FGG: variants seen among roughly 807,000 people sequenced by gnomAD.
FGG encodes the protein fibrinogen gamma chain.
FGG carries 20 observed loss-of-function variants against 51.7 expected under a neutral mutation model. The observed-to-expected ratio is 0.39, with a 90% CI of 0.27 to 0.56. FGG has a LOEUF of 0.56. Among genes scored for constraint, FGG ranks in the 20% least tolerant of loss-of-function variants. The probability of loss-of-function intolerance (pLI) is 0.64; values close to 1 mark genes in which losing one functional copy is unlikely to be tolerated. For missense variants in FGG, 460 were observed against 534.2 expected, an observed-to-expected ratio of 0.86 and a Z score of 1.37; for synonymous variants, 184 against 184.7, an observed-to-expected ratio of 1.00 and a Z score of 0.03.
intron 6 of FGG, among the ~76,000 whole-genome samples, chr4:154,609,214 TG>T (rs1465631891): frequency 7.1e-6 from 1 of 141,122 alleles, no homozygotes; most frequent in Non-Finnish European, 1.6e-5. Flanking sequence ...GGTGGGGTGG[TG>T]GGGGGTGGTG....
chr4:154,609,536 G>T, intron 6 of FGG, 94 bp downstream of exon 6: 1 of 1,448,958 alleles, frequency 6.9e-7, no homozygotes, highest in South Asian at 1.1e-5. Context: ...AGGATTAAAT[G>T]AGCTACGGTT....
Position 154,604,910 on chromosome 4 carries a change from C to T in FGG, c.1286G>A (p.Gly429Glu), listed in dbSNP as rs758530530. 4.3e-6 allele frequency: 7 copies of T among 1,613,926 alleles called. No individual in the cohort carries two copies. Among genetic ancestry groups the T allele is most frequent in the East Asian group, 2.2e-5 (1 of 44,892 alleles). The part of the protein sequence containing the change: ...TIGEGQQHHL[G>E]GAKQVRPEHP... ...CTCTGGTCTGACCTGTTTGGCTCCCCCCAGGTGGTGTTGCTGTCCTTCTCC... is the reference window on the plus strand; with the variant it reads ...CTCTGGTCTGACCTGTTTGGCTCCCTCCAGGTGGTGTTGCTGTCCTTCTCC... The change falls in exon 9 of 9, where the codon GGG becomes GAG. Residue 429 changes from glycine (G) to glutamate (E), a missense_variant. Coordinates refer to ENST00000336098, the MANE Select transcript of FGG (RefSeq NM_021870.3).
At chr4:154,607,127 C>T (rs1224225572) in intron 7 of FGG, 145 bp from the exon 8 acceptor site, 1 of 941,274 alleles carries the variant, frequency 1.1e-6, no homozygotes, top group Admixed American at 2.9e-5. Context: ...TTTTGCAAAT[C>T]TGGCAAGAGG....
chr4:154,606,466 A>G (rs1454137569), intron 8 of FGG, among the ~76,000 whole-genome samples: 1 of 152,212 alleles, frequency 6.6e-6, no homozygotes, highest in Admixed American at 6.5e-5. Context: ...ATAGTTTCAC[A>G]TATAATGCCA....
chr4:154,607,769 C>T (rs988906429), intron 7 of FGG, among the ~76,000 whole-genome samples: 16 of 151,898 alleles, frequency 1.1e-4, no homozygotes, highest in African/African-American at 3.6e-4. Flanking sequence ...ACCAACCAAG[C>T]AATAAAAAAA....
intron 7 of FGG, among the ~76,000 whole-genome samples, 194 bp downstream of exon 7, chr4:154,608,272 C>A (rs1323535275): frequency 6.6e-6 from 1 of 152,124 alleles, no homozygotes; most frequent in Non-Finnish European, 1.5e-5. Flanking sequence ...TGTACCAATA[C>A]ACTTAGATTC....
Position 154,604,308 on chromosome 4 carries a change from T to C in FGG, c.*526A>G. The C allele has an allele frequency of 6.6e-7, 1 of 1,503,934 alleles. No homozygotes were observed. 93.2% of individuals were successfully genotyped at this position (1,503,934 alleles called of 1,614,324 possible). A position where few individuals can be genotyped will look rare whatever the true frequency, so the allele number is the denominator to read the frequency against. The stretch of plus-strand genomic sequence containing the variant: ...TATCTCTCTGTTCAGATAAAGTCCT[T>C]TAAAAAAGTAAATCTCTTTTGAAAC... On this transcript the variant is annotated 3_prime_UTR_variant, in exon 9 of 9. Coordinates refer to ENST00000336098, the MANE Select transcript of FGG (RefSeq NM_021870.3).
intron 4 of FGG, among the ~76,000 whole-genome samples, chr4:154,610,832 T>C (rs915256491): frequency 6.6e-6 from 1 of 152,166 alleles, no homozygotes; most frequent in African/African-American, 2.4e-5. Flanking sequence ...GGGAATGGAC[T>C]GGGGGAAGTA....
chr4:154,611,920 A>T, intron 3 of FGG, 22 bp from the exon 4 acceptor site: 2 of 1,605,480 alleles, frequency 1.2e-6, no homozygotes, highest in Admixed American at 3.3e-5. Flanking sequence ...GATCAGAGAC[A>T]TAAAAATCCT....
chr4:154,611,974 GATTATTATT>G, intron 3 of FGG, 35 bp downstream of exon 3: 6 of 1,604,124 alleles, frequency 3.7e-6, no homozygotes, highest in Non-Finnish European at 5.1e-6. Flanking sequence ...GAACTTCACA[GATTATTATT>G]ATTATTTTTT....
At position 154,608,539 on chromosome 4, in the gene FGG, G is replaced by T. The variant is rs775601720; in HGVS notation, c.778C>A (p.His260Asn). The T allele has an allele frequency of 4.3e-6, 7 of 1,613,632 alleles. No homozygotes were observed. The highest frequency in any genetic ancestry group is 5.9e-6 in the Non-Finnish European group (7 of 1,179,844). ...ATGGCAGACTGTGTGCTTATCAAAT[G>T]AATCTTCTCATTTCCCAGCCAAAAT... Reference protein sequence around the residue: ...TEFWLGNEKIHLISTQSAIPY... With the variant: ...TEFWLGNEKINLISTQSAIPY... Residue 260 changes from histidine (H) to asparagine (N), a missense_variant, in exon 7 of 9, where the codon CAT becomes AAT. Physicochemically the swap from His to Asn is moderately conservative, Grantham distance 68. This residue lies in a region of FGG where 353 missense variants were observed against 391.7 expected (regional missense o/e 0.90). Coordinates refer to ENST00000336098, the MANE Select transcript of FGG (RefSeq NM_021870.3).
intron 4 of FGG, among the ~76,000 whole-genome samples, chr4:154,610,953 C>T (rs1336080701): frequency 6.6e-6 from 1 of 152,082 alleles, no homozygotes; most frequent in East Asian, 1.9e-4. Flanking sequence ...AAAGGGTAGA[C>T]AAACTATTTG....
Position 154,604,566 on chromosome 4 carries a change from G to T in FGG, c.*268C>A. ...ACGAAGACAAAATAAATGACAAGTG[G>T]TCATAAAAATGCAAATAAAGTCAAT... On this transcript the variant is annotated 3_prime_UTR_variant, in exon 9 of 9. Coordinates refer to ENST00000336098, the MANE Select transcript of FGG (RefSeq NM_021870.3). 3 of 1,157,114 alleles carry T rather than the reference G, an allele frequency of 2.6e-6. No individual in the cohort carries two copies. The highest frequency in any genetic ancestry group is 3.4e-6 in the Non-Finnish European group (3 of 875,416). 71.7% of individuals were successfully genotyped at this position (1,157,114 alleles called of 1,614,324 possible).
Position 154,604,867 on chromosome 4 carries a change from T to C in FGG, c.1329A>G (p.Glu443=), listed in dbSNP as rs1306196391. Reference sequence around the variant, plus strand: ...CATCCTCAGGGTAAAGTGAGTCATATTCTGTTTCCGCAGGGTGCTCTGGTC... The same window carrying C: ...CATCCTCAGGGTAAAGTGAGTCATACTCTGTTTCCGCAGGGTGCTCTGGTC... ...QVRPEHPAET[E]YDSLYPEDDL is the part of the protein sequence containing the mutation. Residue 443 remains glutamate, a synonymous_variant, in exon 9 of 9, where the codon GAA becomes GAG. Transcript: ENST00000336098. 30 of 1,613,982 alleles carry C rather than the reference T, an allele frequency of 1.9e-5. No individual in the cohort carries two copies. The highest frequency in any genetic ancestry group is 2.3e-5 in the Non-Finnish European group (27 of 1,179,948).
At position 154,604,237 on chromosome 4, in the gene FGG, A is replaced by G; in HGVS notation, c.*597T>C. 2 of 898,774 alleles carry G rather than the reference A, an allele frequency of 2.2e-6. No individual in the cohort carries two copies. Among genetic ancestry groups the G allele is most frequent in the Non-Finnish European group, 3.3e-6 (2 of 613,604 alleles). The allele number at this position is 898,774 out of a possible 1,614,324, so 55.7% of individuals were successfully genotyped here. On this transcript the variant is annotated 3_prime_UTR_variant, in exon 9 of 9. Transcript: ENST00000336098. ...CAACATGGGGTCTTTTGCTCTTAAA[A>G]TGAAGTGAAGCTTTGCAAGTCCATT...
chr4:154,612,185 G>C lies in FGG; in HGVS notation c.140C>G (p.Thr47Ser), dbSNP rs138511699. The stretch of plus-strand genomic sequence containing the variant: ...CAGGAAATCTGCAATGCCACAGGTA[G>C]TTGGACAATAACTACCCTGAAAATA... Reference protein sequence around the residue: ...LDERFGSYCPTTCGIADFLST... With the variant: ...LDERFGSYCPSTCGIADFLST... Residue 47 changes from threonine to serine, a missense_variant, in exon 3 of 9, where the codon ACT becomes AGT. Thr to Ser is a moderately conservative substitution (Grantham distance 58, BLOSUM62 1). This residue lies in a region of FGG where 353 missense variants were observed against 391.7 expected (regional missense o/e 0.90). Coordinates refer to ENST00000336098, the MANE Select transcript of FGG (RefSeq NM_021870.3). The C allele has an allele frequency of 6.2e-7, 1 of 1,610,144 alleles. No homozygotes were observed. Among genetic ancestry groups the C allele is most frequent in the Admixed American group, 1.7e-5 (1 of 59,682 alleles).
At position 154,604,533 on chromosome 4, in the gene FGG, A is replaced by T; in HGVS notation, c.*301T>A. 1 of 1,127,186 alleles carries T rather than the reference A, an allele frequency of 8.9e-7. No individual in the cohort carries two copies. Among genetic ancestry groups the T allele is most frequent in the Non-Finnish European group, 1.2e-6 (1 of 844,580 alleles). The allele number at this position is 1,127,186 out of a possible 1,614,324, so 69.8% of individuals were successfully genotyped here. On this transcript the variant is annotated 3_prime_UTR_variant, in exon 9 of 9. Coordinates refer to ENST00000336098, the MANE Select transcript of FGG (RefSeq NM_021870.3). ...ATACTAAAATATTTGATATAATGAA[A>T]ATAATTTACGAAGACAAAATAAATG...
chr4:154,610,588 G>A (rs5000433), intron 4 of FGG, among the ~76,000 whole-genome samples: 152,019 of 152,244 alleles, frequency 1, 75,898 homozygotes, highest in East Asian at 1. Flanking sequence ...AAGAGTGGCG[G>A]GACTGGTTAA....
chr4:154,612,517 G>C lies in FGG; in HGVS notation c.78+15C>G. On this transcript the variant is annotated intron_variant, in intron 1 of 8. Transcript: ENST00000336098. ...CTTTCCATTTTAAACAACGTTTTGT[G>C]AAGAGCACACTTACTGCTACACATG... is the stretch of plus-strand genomic sequence containing the variant. 1 of 1,613,822 alleles carries C rather than the reference G, an allele frequency of 6.2e-7. No individual in the cohort carries two copies. Among genetic ancestry groups the C allele is most frequent in the Non-Finnish European group, 8.5e-7 (1 of 1,179,752 alleles).
Sources: gnomAD v4.1 joint callset for allele counts (sites outside exome capture counted in the v4.1 genomes callset) on GRCh38, gnomAD v4.1.1 for gene constraint, gnomAD v4.1.1 regional missense constraint, MANE v1.5 for transcripts, NCBI Gene and HGNC (gene_info 2026-07-23, HGNC 2026-07-21) for gene names.